NLGN3: variants seen among roughly 807,000 people sequenced by gnomAD.
NLGN3 encodes the protein neuroligin-3.
In NLGN3, 11 loss-of-function variants were observed where a neutral mutation model predicts 42.9. The ratio of observed to expected loss-of-function variants is 0.26; its 90% CI spans 0.16 to 0.42. The LOEUF (loss-of-function observed/expected upper bound fraction) is 0.42, where lower values mean the gene tolerates loss of function less well. Ranked by LOEUF, NLGN3 falls within the 10% of genes least tolerant of loss-of-function variation. The pLI is 1.00. For missense variants in NLGN3, 374 were observed against 733.8 expected (o/e 0.51, Z 5.67); for synonymous variants, 279 against 312.7 (o/e 0.89, Z 1.14).
intron 7 of NLGN3, among the ~76,000 whole-genome samples, chrX:71,168,855 AAGAAAGAAAGAAAGAGAAAGAAAAGAAAG>A (rs2092459018): frequency 1.1e-5 from 1 of 90,695 alleles, no homozygotes; most frequent in African/African-American, 5.9e-5. Flanking sequence ...GAAAGAAAGA[AAGAAAGAAAGAAAGAGAAAGAAAAGAAAG>A]AGAAAGAAAG....
intron 5 of NLGN3, among the ~76,000 whole-genome samples, chrX:71,155,862 C>G (rs1003359841): frequency 9.0e-6 from 1 of 110,937 alleles, no homozygotes; most frequent in African/African-American, 3.3e-5. Flanking sequence ...CACACCTAGC[C>G]CCACATTCAC....
intron 2 of NLGN3, 66 bp downstream of exon 2, chrX:71,148,272 G>GCA: frequency 1.1e-6 from 1 of 914,940 alleles, no homozygotes; most frequent in African/African-American, 1.9e-5. Context: ...TTTGTGGCTT[G>GCA]CATGTGGTTG....
chrX:71,171,368 G>A (rs958878719), downstream of NLGN3, among the ~76,000 whole-genome samples: 5 of 107,431 alleles, frequency 4.7e-5, no homozygotes, highest in Non-Finnish European at 9.6e-5. Context: ...TTGGGGGTTG[G>A]GGGCCCCTGC....
In NLGN3 at chrX:71,147,844, C is replaced by T. The variant is rs1459104193; in HGVS notation, c.95C>T (p.Ala32Val). ...LCLTLWFLSL[A>V]LRASTQAPAP... is the part of the protein sequence containing the mutation. ...CTCACCCTGTGGTTCCTCAGTTTGG[C>T]GCTGAGGGCCAGTACCCAGGCCCCA... Residue 32 changes from alanine to valine, a missense_variant, in exon 2 of 8, where the codon GCG becomes GTG. Coordinates refer to ENST00000358741, the MANE Select transcript of NLGN3 (RefSeq NM_181303.2). 1.1e-5 allele frequency: 13 copies of T among 1,207,792 alleles called. No individual in the cohort carries two copies. The highest frequency in any genetic ancestry group is 1.8e-5 in the South Asian group (1 of 56,241).
chrX:71,172,627 CGTGT>C (rs59876964), downstream of NLGN3, among the ~76,000 whole-genome samples: 182 of 100,472 alleles, frequency 1.8e-3, no homozygotes, highest in South Asian at 3.2e-3. Context: ...TGTGTGCATG[CGTGT>C]GTGTGTGTGT....
At chrX:71,168,823 A>AAG (rs1556351462) in intron 7 of NLGN3, among the ~76,000 whole-genome samples, 1 of 45,206 alleles carries the variant, frequency 2.2e-5, no homozygotes, top group Non-Finnish European at 4.0e-5. Flanking sequence ...AGAAAAAAAA[A>AAG]AGAAAGAAAG....
rs144914894 is a variant in NLGN3 at position 71,169,504 on chromosome X, A to G, written c.1954A>G (p.Thr652Ala). ...STTTKVPPPD[T>A]THSSHITRRP... is the part of the protein sequence containing the mutation. ...CACCACCAAAGTGCCGCCTCCGGAT[A>G]CCACCCACAGCTCCCACATCACCCG... The change falls in exon 8 of 8, where the codon ACC (threonine) becomes GCC (alanine). Residue 652 changes from threonine to alanine, a missense_variant. Physicochemically the swap from Thr to Ala is moderately conservative, Grantham distance 58. Transcript: ENST00000358741. 3.8e-3 allele frequency: 4,633 copies of G among 1,210,181 alleles called. 10 individuals carry two copies. The highest frequency in any genetic ancestry group is 4.8e-3 in the Non-Finnish European group (4,253 of 895,183).
chrX:71,169,198 G>C (rs2092461759), intron 7 of NLGN3, 56 bp from the exon 8 acceptor site: 1 of 1,169,531 alleles, frequency 8.6e-7, no homozygotes, highest in Non-Finnish European at 1.2e-6. Context: ...AAAAATGCTG[G>C]GCCTTTTCCT....
rs560312841 is a variant in NLGN3 at position 71,153,326 on chromosome X, T to C, written c.518-151T>C. 514 of 564,851 alleles carry C rather than the reference T, an allele frequency of 9.1e-4. 4 individuals are homozygous for C. In the South Asian group the frequency reaches 0.012, roughly 13 times the overall value. 46.6% of individuals were successfully genotyped at this position (564,851 alleles called of 1,213,427 possible). A position where few individuals can be genotyped will look rare whatever the true frequency, so the allele number is the denominator to read the frequency against. On this transcript the variant is annotated intron_variant, in intron 3 of 7. Coordinates refer to ENST00000358741, the MANE Select transcript of NLGN3 (RefSeq NM_181303.2). Reference sequence around the variant, plus strand: ...GAAGGTCTGGGCCTCAGCCCACCCATTCCCTCAGTTCTTGCCATCCCTCCT... The same window carrying C: ...GAAGGTCTGGGCCTCAGCCCACCCACTCCCTCAGTTCTTGCCATCCCTCCT...
chrX:71,158,644 G>C (rs891565040), intron 5 of NLGN3, among the ~76,000 whole-genome samples: 1 of 111,473 alleles, frequency 9.0e-6, no homozygotes, highest in Non-Finnish European at 1.9e-5. Flanking sequence ...GGAAAAGAGG[G>C]AGAGAAAGAG....
At chrX:71,163,552 A>C (rs1020478161) in intron 5 of NLGN3, among the ~76,000 whole-genome samples, 1 of 112,052 alleles carries the variant, frequency 8.9e-6, no homozygotes, top group African/African-American at 3.2e-5. Flanking sequence ...CTTCCTTTGG[A>C]GAGAGAAGAA....
intron 3 of NLGN3, among the ~76,000 whole-genome samples, chrX:71,150,701 CAAAAA>C (rs1174331159): frequency 4.2e-3 from 122 of 29,211 alleles, no homozygotes; most frequent in African/African-American, 0.015. Flanking sequence ...GACTCCATCT[CAAAAA>C]AAAAAAAAAA....
downstream of NLGN3, chrX:71,171,546 TCTC>T (rs756918899): frequency 2.4e-3 from 552 of 227,418 alleles, no homozygotes; most frequent in Non-Finnish European, 3.2e-3. Flanking sequence ...TCCTCTTACT[TCTC>T]CTCCTCCTCC....
At position 71,169,809 on chromosome X, in the gene NLGN3, G is replaced by C; in HGVS notation, c.2259G>C (p.Pro753=). The change falls in exon 8 of 8, where the codon CCG becomes CCC. Residue 753 remains proline, a synonymous_variant. Transcript: ENST00000358741. ...GCCCTCAGCGGGGAGCCGGGGCCCC[G>C]GAGTTGGGAGCTGCTCCAGAGGAGG... ...QPSPQRGAGA[P]ELGAAPEEEL... 8.3e-7 allele frequency: 1 copy of C among 1,206,949 alleles called. No homozygotes were observed. Among genetic ancestry groups the C allele is most frequent in the East Asian group, 3.0e-5 (1 of 33,713 alleles).
rs760532361 is a variant in NLGN3, at chrX:71,169,823, C to G, written c.2273C>G (p.Ala758Gly). 1 of 1,203,776 alleles carries G rather than the reference C, an allele frequency of 8.3e-7. No individual in the cohort carries two copies. The highest frequency in any genetic ancestry group is 1.8e-5 in the African/African-American group (1 of 56,992). The change falls in exon 8 of 8, where the codon GCT becomes GGT. Residue 758 changes from alanine (A) to glycine (G), a missense_variant. By Grantham distance (60) the Ala-to-Gly change is moderately conservative. This residue lies in a region of NLGN3 where 92 missense variants were observed against 108.0 expected (regional missense o/e 0.85). Transcript: ENST00000358741. ...RGAGAPELGAAPEEELAALQL... is the reference protein window; with the variant it reads ...RGAGAPELGAGPEEELAALQL... ...GCCGGGGCCCCGGAGTTGGGAGCTG[C>G]TCCAGAGGAGGAGCTGGCAGCATTA...
rs767786073 is a variant in NLGN3 at position 71,155,284 on chromosome X, C to A, written c.648C>A (p.Gly216=). 8.3e-7 allele frequency: 1 copy of A among 1,211,824 alleles called. No individual in the cohort carries two copies. The highest frequency in any genetic ancestry group is 1.1e-6 in the Non-Finnish European group (1 of 895,277). The change falls in exon 5 of 8, where the codon GGC becomes GGA. Residue 216 remains glycine, a synonymous_variant. Transcript: ENST00000358741. ...GAGGCTCTTACATGGAAGGGACAGG[C>A]AACATGATTGATGGCAGCATCCTCG... ...IHGGSYMEGT[G]NMIDGSILAS... is the part of the protein sequence containing the mutation.
chrX:71,161,722 C>T (rs1428953922), intron 5 of NLGN3, among the ~76,000 whole-genome samples: 3 of 111,399 alleles, frequency 2.7e-5, no homozygotes, highest in African/African-American at 6.5e-5. Context: ...TGCAGCGAGC[C>T]GAGATCATGC....
chrX:71,159,004 A>ACACACATGCATGTGCG, intron 5 of NLGN3, among the ~76,000 whole-genome samples: 1 of 111,003 alleles, frequency 9.0e-6, no homozygotes, highest in Non-Finnish European at 1.9e-5. Flanking sequence ...GCGTGTGTGC[A>ACACACATGCATGTGCG]CACACATGCA....
At chrX:71,146,883 C>T (rs1231766628) in intron 1 of NLGN3, among the ~76,000 whole-genome samples, 1 of 111,417 alleles carries the variant, frequency 9.0e-6, no homozygotes, top group African/African-American at 3.3e-5. Context: ...TTCTGGAATT[C>T]GGTGTGAATT....
Sources: allele counts gnomAD v4.1 joint callset (sites outside exome capture counted in the v4.1 genomes callset), GRCh38; gene constraint gnomAD v4.1.1; regional missense constraint gnomAD v4.1.1; transcripts MANE v1.5; gene names NCBI Gene and HGNC (gene_info 2026-07-23, HGNC 2026-07-21).